Variants in PTPN6 observed in about 807,000 individuals in gnomAD.
PTPN6 encodes the protein tyrosine-protein phosphatase non-receptor type 6.
Under a neutral mutation model 81.5 loss-of-function variants are expected in PTPN6, and 18 were observed. The observed-to-expected ratio is 0.22, with a 90% confidence interval of 0.15 to 0.33. PTPN6 has a LOEUF of 0.33. PTPN6 is among the 10% of genes least tolerant of loss of function. The pLI, the probability that PTPN6 is intolerant of heterozygous loss-of-function variation, is 1.00. For synonymous variants in PTPN6, 301 were observed against 310.9 expected, an observed-to-expected ratio of 0.97 and a Z score of 0.33; for missense variants, 500 against 794.2, an observed-to-expected ratio of 0.63 and a Z score of 4.45.
At chr12:6,958,228 C>T (rs1946067196) in intron 11 of PTPN6, among the ~76,000 whole-genome samples, 155 bp downstream of exon 11, 1 of 152,238 alleles carries the variant, frequency 6.6e-6, no homozygotes, top group Non-Finnish European at 1.5e-5. Flanking sequence ...GCTCCAGAAC[C>T]CTGGGTGGAT....
chr12:6,956,382 A>G lies in PTPN6; in HGVS notation c.925-37A>G. The G allele has an allele frequency of 6.2e-7, 1 of 1,614,042 alleles. No individual in the cohort carries two copies. Among genetic ancestry groups the G allele is most frequent in the Non-Finnish European group, 8.5e-7 (1 of 1,180,006 alleles). ...GGGCCTGTGCTGGGCCAAGGGGCTC[A>G]CTGTCTTGGGGTGCGTCTCTCCACG... is the stretch of plus-strand genomic sequence containing the variant. On this transcript the variant is annotated intron_variant, in intron 8 of 15. Coordinates refer to ENST00000318974, the MANE Select transcript of PTPN6 (RefSeq NM_002831.6). This position sits in a 1 kb window ranked among gnomAD's most constrained non-coding sequence, Gnocchi z 4.1.
rs1555149789 is a variant in PTPN6 at position 6,960,770 on chromosome 12, A to C, written c.1674-36A>C. On this transcript the variant is annotated intron_variant, in intron 14 of 15. Coordinates refer to ENST00000318974, the MANE Select transcript of PTPN6 (RefSeq NM_002831.6). The surrounding 1 kb of genome is among the most constrained non-coding windows in gnomAD (Gnocchi z 6.1). ...CCTGTGCTGTCTCCTGACCTGCACC[A>C]ACTGCCTGTACTTGCCCCCCTGCAC... 1.9e-6 allele frequency: 3 copies of C among 1,552,162 alleles called. No individual in the cohort carries two copies. Among genetic ancestry groups the C allele is most frequent in the Non-Finnish European group, 2.6e-6 (3 of 1,147,316 alleles).
Position 6,960,268 on chromosome 12 carries a change from G to C in PTPN6, c.1581+29G>C, listed in dbSNP as rs781976798. On this transcript the variant is annotated intron_variant, in intron 13 of 15. Coordinates refer to ENST00000318974, the MANE Select transcript of PTPN6 (RefSeq NM_002831.6). This position sits in a 1 kb window ranked among gnomAD's most constrained non-coding sequence, Gnocchi z 6.1. ...CGTGCAGAGCAGGGCCTGGGGGGGG[G>C]GGGGGCTGCAGTGCAGGATGGGTGC... 2.1e-4 allele frequency: 340 copies of C among 1,606,752 alleles called. 3 individuals carry two copies. The highest frequency in any genetic ancestry group is 1.4e-3 in the East Asian group (62 of 44,724).
rs1223511142 is a variant in PTPN6, at chr12:6,951,363, T to C, written c.-150T>C. ...TGCCGGCTGCCCCAGGCCAGTGGAG[T>C]GGCAGCCCCAGAACTGGGACCACCG... On this transcript the variant is annotated 5_prime_UTR_variant, in exon 1 of 16. Transcript: ENST00000318974. The surrounding 1 kb of genome is among the most constrained non-coding windows in gnomAD (Gnocchi z 7.2). 2.6e-6 allele frequency: 4 copies of C among 1,538,276 alleles called. No individual in the cohort carries two copies. In the Admixed American group the frequency reaches 5.9e-5, roughly 23 times the overall value.
rs782785473 is a variant in PTPN6 at position 6,960,010 on chromosome 12, G to A, written c.1429+16G>A. On this transcript the variant is annotated intron_variant, in intron 12 of 15. Coordinates refer to ENST00000318974, the MANE Select transcript of PTPN6 (RefSeq NM_002831.6). The surrounding 1 kb of genome is among the most constrained non-coding windows in gnomAD (Gnocchi z 6.1). ...TCCACCAAGGGTGAGGGGCACCTGG[G>A]GGTTTGGGGGTGGGGGGTGAGCAGC... 2.5e-6 allele frequency: 4 copies of A among 1,611,556 alleles called. No homozygotes were observed. In the South Asian group the frequency reaches 3.3e-5, roughly 13 times the overall value.
upstream of PTPN6, among the ~76,000 whole-genome samples, chr12:6,948,555 AAAG>A (rs1234873611): frequency 5.9e-5 from 9 of 151,898 alleles, no homozygotes; most frequent in East Asian, 1.4e-3. Context: ...GAAAGAAAGA[AAAG>A]AAAGGAAAGA....
Position 6,960,929 on chromosome 12 carries a change from G to T in PTPN6, c.*9G>T, listed in dbSNP as rs782608555. ...CCCTCAAGAGGAAGTGAGCGGTGCT[G>T]TCCTCAGGTGGCCATGGTACAGCTC... On this transcript the variant is annotated 3_prime_UTR_variant, in exon 15 of 16. Coordinates refer to ENST00000318974, the MANE Select transcript of PTPN6 (RefSeq NM_002831.6). This position sits in a 1 kb window ranked among gnomAD's most constrained non-coding sequence, Gnocchi z 6.1. 2.1e-5 allele frequency: 33 copies of T among 1,559,606 alleles called. No individual in the cohort carries two copies. In the South Asian group the frequency reaches 3.7e-4, roughly 17 times the overall value.
chr12:6,961,063 C>A, intron 15 of PTPN6, 63 bp from the exon 16 acceptor site: 1 of 1,460,924 alleles, frequency 6.8e-7, no homozygotes, highest in Non-Finnish European at 9.3e-7. Flanking sequence ...CTGCCCCAGA[C>A]CCTCTTGTTC....
chr12:6,953,883 T>A (rs183078790), intron 3 of PTPN6, among the ~76,000 whole-genome samples: 19 of 152,198 alleles, frequency 1.2e-4, no homozygotes, highest in African/African-American at 4.1e-4. Context: ...CCTCCCCTCC[T>A]TCCCCCCATC....
chr12:6,949,136 C>T (rs1194209169), upstream of PTPN6, among the ~76,000 whole-genome samples: 1 of 152,100 alleles, frequency 6.6e-6, no homozygotes, highest in African/African-American at 2.4e-5. Flanking sequence ...TCCCTGATCC[C>T]GTCTGTGGTC....
At position 6,951,605 on chromosome 12, in the gene PTPN6, C is replaced by A; in HGVS notation, c.9-4C>A. 6.2e-7 allele frequency: 1 copy of A among 1,613,816 alleles called. No homozygotes were observed. Among genetic ancestry groups the A allele is most frequent in the Non-Finnish European group, 8.5e-7 (1 of 1,179,934 alleles). ...CTCCTCACTGCCCTGCCTGGGCCGC[C>A]CAGGTGGTTTCACCGAGACCTCAGT... On this transcript the variant is annotated splice_region_variant and splice_polypyrimidine_tract_variant and intron_variant, in intron 1 of 15. Transcript: ENST00000318974. This position sits in a 1 kb window ranked among gnomAD's most constrained non-coding sequence, Gnocchi z 7.2.
intron 3 of PTPN6, among the ~76,000 whole-genome samples, chr12:6,953,916 G>A (rs782633464): frequency 2.0e-5 from 3 of 152,084 alleles, no homozygotes; most frequent in East Asian, 1.9e-4. Flanking sequence ...AAATTTGCCC[G>A]CCCTCCCCTC....
rs781869681 is a variant in PTPN6 at position 6,955,324 on chromosome 12, G to A, written c.634-48G>A. On this transcript the variant is annotated intron_variant, in intron 5 of 15. Coordinates refer to ENST00000318974, the MANE Select transcript of PTPN6 (RefSeq NM_002831.6). The surrounding 1 kb of genome is among the most constrained non-coding windows in gnomAD (Gnocchi z 7.2). ...CCCCTGAGCTGTCCCCCAGATGTGA[G>A]CTTCTGGGATCTCTGAGTTGCTGAC... 2 of 1,607,230 alleles carry A rather than the reference G, an allele frequency of 1.2e-6. No individual in the cohort carries two copies. The highest frequency in any genetic ancestry group is 1.3e-5 in the African/African-American group (1 of 74,684).
Position 6,956,088 on chromosome 12 carries a change from T to TG in PTPN6, c.845-52dup. 2.6e-6 allele frequency: 4 copies of TG among 1,563,492 alleles called. No homozygotes were observed. ...AGCTCAGGAGGGTCTGACCCAGGTG[T>TG]GGTGAGTCCCTGGCTAACCCAGACC... On this transcript the variant is annotated intron_variant, in intron 7 of 15. Coordinates refer to ENST00000318974, the MANE Select transcript of PTPN6 (RefSeq NM_002831.6). This position sits in a 1 kb window ranked among gnomAD's most constrained non-coding sequence, Gnocchi z 4.1.
Position 6,954,205 on chromosome 12 carries a change from C to T in PTPN6, c.327-600C>T, listed in dbSNP as rs1211944941. 2.0e-5 allele frequency among the ~76,000 whole-genome samples: 3 copies of T among 152,168 alleles called. No individual in the cohort carries two copies. Among genetic ancestry groups the T allele is most frequent in the East Asian group, 1.9e-4 (1 of 5,196 alleles). On this transcript the variant is annotated intron_variant, in intron 3 of 15. Coordinates refer to ENST00000318974, the MANE Select transcript of PTPN6 (RefSeq NM_002831.6). This position sits in a 1 kb window ranked among gnomAD's most constrained non-coding sequence, Gnocchi z 5.4. Reference sequence around the variant, plus strand: ...CTTTCCCCAGTGGGGTTGTCTTCCCCGCCTCCCTGGCGGAGCGCACCCCAT... The same window carrying T: ...CTTTCCCCAGTGGGGTTGTCTTCCCTGCCTCCCTGGCGGAGCGCACCCCAT...
chr12:6,961,055 G>C lies in PTPN6; in HGVS notation c.*26-71G>C, dbSNP rs868994785. The C allele has an allele frequency of 2.1e-5, 31 of 1,492,162 alleles. No homozygotes were observed. In the South Asian group the frequency reaches 3.6e-4, roughly 17 times the overall value. 92.4% of individuals were successfully genotyped at this position (1,492,162 alleles called of 1,614,324 possible). ...CAGCCTCATTCTGTGCTTCCCAGCTGCCCCAGACCCTCTTGTTCCACCTCC... is the reference window on the plus strand; with the variant it reads ...CAGCCTCATTCTGTGCTTCCCAGCTCCCCCAGACCCTCTTGTTCCACCTCC... On this transcript the variant is annotated intron_variant, in intron 15 of 15. Coordinates refer to ENST00000318974, the MANE Select transcript of PTPN6 (RefSeq NM_002831.6).
At chr12:6,949,177 C>G (rs1340487629), upstream of PTPN6, among the ~76,000 whole-genome samples, 1 of 152,162 alleles carries the variant, frequency 6.6e-6, no homozygotes, top group African/African-American at 2.4e-5. Flanking sequence ...GGCCAGGCCT[C>G]CCCTGGTGCA....
upstream of PTPN6, chr12:6,946,686 C>T (rs1357778124): frequency 2.3e-5 from 36 of 1,593,456 alleles, no homozygotes; most frequent in Non-Finnish European, 2.8e-5. Flanking sequence ...GCCCCGCCCC[C>T]TGCGGCCCTC....
At chr12:6,953,524 G>C (rs1945965594) in intron 3 of PTPN6, 2 of 152,256 alleles carry the variant, frequency 1.3e-5, no homozygotes, top group Admixed American at 1.3e-4. Flanking sequence ...GGCCCTTTTG[G>C]GTGACCCGTC....
Sources: gnomAD v4.1 joint callset for allele counts (sites outside exome capture counted in the v4.1 genomes callset) on GRCh38, gnomAD v4.1.1 for gene constraint, Gnocchi (gnomAD v3.1) non-coding constraint, MANE v1.5 for transcripts, NCBI Gene and HGNC (gene_info 2026-07-23, HGNC 2026-07-21) for gene names.